Variants in NFIB observed in about 807,000 individuals in gnomAD.
The protein encoded by NFIB is nuclear factor I B, also known as nuclear factor 1 B-type.
In NFIB, 11 loss-of-function variants were observed where a neutral mutation model predicts 61.5. That is an observed-to-expected ratio of 0.18 (90% CI 0.11 to 0.30). The LOEUF (loss-of-function observed/expected upper bound fraction) is 0.30, where lower values mean the gene tolerates loss of function less well. Ranked by LOEUF, NFIB falls within the 10% of genes least tolerant of loss-of-function variation. NFIB has a pLI of 1.00. For missense variants in NFIB, 471 were observed against 608.9 expected (o/e 0.77, Z 2.38); for synonymous variants, 260 against 216.5 (o/e 1.20, Z -1.76).
the NFIB span, among the ~76,000 whole-genome samples, chr9:14,462,395 G>A: frequency 6.6e-6 from 1 of 151,476 alleles, no homozygotes; most frequent in Non-Finnish European, 1.5e-5. Flanking sequence ...CCATTCTCCT[G>A]CCTCAGCCTC....
chr9:14,337,437 CATA>C (rs1418480667), intron 1 of NFIB, among the ~76,000 whole-genome samples: 4 of 152,130 alleles, frequency 2.6e-5, no homozygotes, highest in Non-Finnish European at 5.9e-5. Flanking sequence ...TGAGAAAAAT[CATA>C]ATAATGGTTA....
At chr9:14,204,490 C>A in intron 2 of NFIB, 1 of 1,038,734 alleles carries the variant, frequency 9.6e-7, no homozygotes, top group Non-Finnish European at 1.5e-6. Context: ...CTGCGATTAA[C>A]CAGTTCACCC....
chr9:14,204,310 G>A (rs1421325081), intron 2 of NFIB: 7 of 714,594 alleles, frequency 9.8e-6, no homozygotes, highest in African/African-American at 8.8e-5. Flanking sequence ...TCTTGAAGAA[G>A]CAGGAGGCCA....
intron 2 of NFIB, among the ~76,000 whole-genome samples, chr9:14,279,656 C>A (rs2058240141): frequency 6.6e-6 from 1 of 152,142 alleles, no homozygotes; most frequent in Admixed American, 6.5e-5. Flanking sequence ...TATTTATGGG[C>A]CACAACATGT....
At chr9:14,097,733 T>G (rs564989530) in intron 10 of NFIB, among the ~76,000 whole-genome samples, 36 of 152,154 alleles carry the variant, frequency 2.4e-4, no homozygotes, top group Non-Finnish European at 4.7e-4. Flanking sequence ...ATATTCATTC[T>G]TTTGAGAGCA....
intron 2 of NFIB, among the ~76,000 whole-genome samples, chr9:14,274,622 C>A (rs1219019870): frequency 2.6e-5 from 4 of 152,150 alleles, no homozygotes; most frequent in Non-Finnish European, 4.4e-5. Flanking sequence ...TAGATTTGAA[C>A]AGAAACCTAA....
intron 1 of NFIB, among the ~76,000 whole-genome samples, chr9:14,393,161 A>G (rs71511087): frequency 0.03 from 4,448 of 149,678 alleles, 73 homozygotes; most frequent in Non-Finnish European, 0.041. Flanking sequence ...TGTTCCTTCT[A>G]ATAACTTTCT....
At chr9:14,495,446 C>CTTTTTTTTTTTTTTT in the NFIB span, among the ~76,000 whole-genome samples, 510 of 117,120 alleles carry the variant, frequency 4.4e-3, 66 homozygotes, top group African/African-American at 0.015. Flanking sequence ...GAGAAATGAA[C>CTTTTTTTTTTTTTTT]TTTTTTTTTT....
In NFIB at chr9:14,188,317, C is replaced by G. The variant is rs558337865; in HGVS notation, c.563-8537G>C. Among the ~76,000 whole-genome samples, 3 of 151,724 alleles carry G rather than the reference C, an allele frequency of 2.0e-5. No homozygotes were observed. The South Asian group carries it at 6.3e-4, about 32-fold the overall frequency. ...AGTCCCTGGGAGCAAATCCAGTTTT[C>G]TATCTTTAAAAACAAGGCAAAGCAA... On this transcript the variant is annotated intron_variant, in intron 2 of 10. Coordinates refer to ENST00000380953, the MANE Select transcript of NFIB (RefSeq NM_001190737.2).
At chr9:14,241,438 T>C (rs2054337980) in intron 2 of NFIB, among the ~76,000 whole-genome samples, 1 of 152,150 alleles carries the variant, frequency 6.6e-6, no homozygotes, top group Non-Finnish European at 1.5e-5. Flanking sequence ...TTATTAATTT[T>C]CCTAGGGCAC....
intron 2 of NFIB, among the ~76,000 whole-genome samples, chr9:14,243,857 G>T (rs1057118479): frequency 6.6e-6 from 1 of 152,150 alleles, no homozygotes; most frequent in Admixed American, 6.5e-5. Flanking sequence ...CTGCTGGAGG[G>T]TTTCCTGCAC....
the NFIB span, among the ~76,000 whole-genome samples, chr9:14,507,943 CACACAGACACAG>C: frequency 1.3e-5 from 2 of 149,638 alleles, no homozygotes; most frequent in African/African-American, 2.5e-5. Context: ...GGCATAAACA[CACACAGACACAG>C]ACACAGACAC....
At chr9:14,108,776 TACTTG>T (rs148464138) in intron 10 of NFIB, among the ~76,000 whole-genome samples, 1,861 of 152,206 alleles carry the variant, frequency 0.012, 76 homozygotes, top group East Asian at 0.081. Context: ...AACTAGACTT[TACTTG>T]ACTTTATTGT....
intron 1 of NFIB, among the ~76,000 whole-genome samples, chr9:14,376,959 C>T (rs1371769985): frequency 1.3e-5 from 2 of 152,160 alleles, no homozygotes; most frequent in Non-Finnish European, 2.9e-5. Context: ...TTTTTCTTCT[C>T]ATTTGAGAAA....
intron 2 of NFIB, chr9:14,180,527 G>C (rs1467874017): frequency 6.6e-6 from 1 of 152,224 alleles, no homozygotes; most frequent in African/African-American, 2.4e-5. Flanking sequence ...AAGAAACGTG[G>C]AAGACATACA....
At chr9:14,289,513 A>G (rs1365352966) in intron 2 of NFIB, among the ~76,000 whole-genome samples, 1 of 151,794 alleles carries the variant, frequency 6.6e-6, no homozygotes, top group Admixed American at 6.6e-5. Context: ...TGAGAAGGTT[A>G]TATTTTCCTA....
the NFIB span, among the ~76,000 whole-genome samples, chr9:14,423,841 T>A: frequency 6.6e-6 from 1 of 152,230 alleles, no homozygotes; most frequent in East Asian, 1.9e-4. Flanking sequence ...TGCAGTAATC[T>A]TACACCATAT....
chr9:14,280,387 C>T (rs534629774), intron 2 of NFIB, among the ~76,000 whole-genome samples: 1 of 152,120 alleles, frequency 6.6e-6, no homozygotes. Context: ...AAAAGAGTAT[C>T]TACATTCACC....
At chr9:14,212,323 C>T (rs2050400299) in intron 2 of NFIB, among the ~76,000 whole-genome samples, 1 of 152,200 alleles carries the variant, frequency 6.6e-6, no homozygotes, top group South Asian at 2.1e-4. Context: ...ATTGCTCATG[C>T]ACTTTTGTTG....
Sources: allele counts gnomAD v4.1 joint callset (sites outside exome capture counted in the v4.1 genomes callset), GRCh38; gene constraint gnomAD v4.1.1; transcripts MANE v1.5; gene names NCBI Gene and HGNC (gene_info 2026-07-23, HGNC 2026-07-21).